KCNK9: variants seen among roughly 807,000 people sequenced by gnomAD.
KCNK9 encodes the protein potassium channel subfamily K member 9.
In KCNK9, 1 loss-of-function variant was observed where a neutral mutation model predicts 10.8. The ratio of observed to expected loss-of-function variants is 0.09; its 90% CI spans 0.03 to 0.44. The LOEUF (loss-of-function observed/expected upper bound fraction) is 0.44. Ranked by LOEUF, KCNK9 falls within the 20% of genes least tolerant of loss-of-function variation. The pLI is 0.97. For missense variants in KCNK9, 303 were observed against 515.0 expected (o/e 0.59, Z 3.98); for synonymous variants, 231 against 222.7 (o/e 1.04, Z -0.33).
chr8:139,648,559 T>C (rs564350743), intron 1 of KCNK9, among the ~76,000 whole-genome samples: 2 of 152,172 alleles, frequency 1.3e-5, no homozygotes, highest in Admixed American at 1.3e-4. Flanking sequence ...TAGCCCAGCA[T>C]ACAAATTCAG....
downstream of KCNK9, chr8:139,616,428 G>A (rs2130098164): frequency 6.6e-6 from 1 of 152,306 alleles, no homozygotes; most frequent in Non-Finnish European, 1.5e-5. Context: ...GAGAATCTGA[G>A]GTTCGCAGAC....
intron 1 of KCNK9, among the ~76,000 whole-genome samples, chr8:139,627,946 ACT>A (rs1202569962): frequency 2.7e-4 from 41 of 152,366 alleles, no homozygotes; most frequent in African/African-American, 9.6e-4. Flanking sequence ...GGCCAGGGTG[ACT>A]CAATTCTGAG....
At chr8:139,692,796 C>T (rs1455486648) in intron 1 of KCNK9, among the ~76,000 whole-genome samples, 1 of 152,208 alleles carries the variant, frequency 6.6e-6, no homozygotes. Context: ...ACTGAATGCC[C>T]ATGCCCTGGC....
At chr8:139,655,088 T>C (rs1313702471) in intron 1 of KCNK9, among the ~76,000 whole-genome samples, 17 of 152,058 alleles carry the variant, frequency 1.1e-4, no homozygotes, top group Admixed American at 1.1e-3. Context: ...GAGATCCAAA[T>C]GGCCTGGTTT....
chr8:139,689,052 G>A lies in KCNK9; in HGVS notation c.283+13658C>T, dbSNP rs377337024. Among the ~76,000 whole-genome samples the A allele has an allele frequency of 4.6e-5, 7 of 152,144 alleles. 1 individual carries two copies. The highest frequency in any genetic ancestry group is 2.1e-4 in the South Asian group (1 of 4,830). On this transcript the variant is annotated intron_variant, in intron 1 of 1. Coordinates refer to ENST00000520439, the MANE Select transcript of KCNK9 (RefSeq NM_001282534.2). The stretch of plus-strand genomic sequence containing the variant: ...TCTAACTGGTGTCCTTATAAGGAGA[G>A]GAGATTAGGACCACAGACATGCACA...
chr8:139,631,081 G>A (rs1357061673), intron 1 of KCNK9, among the ~76,000 whole-genome samples: 1 of 152,240 alleles, frequency 6.6e-6, no homozygotes, highest in Non-Finnish European at 1.5e-5. Context: ...GCAGGGACAC[G>A]GCCCCGGGTG....
intron 1 of KCNK9, among the ~76,000 whole-genome samples, chr8:139,696,704 T>G (rs1405872460): frequency 3.0e-5 from 4 of 133,526 alleles, no homozygotes; most frequent in Non-Finnish European, 3.5e-5. Context: ...AATGGATGGA[T>G]GGATGGATGG....
chr8:139,627,340 C>A (rs1418459413), intron 1 of KCNK9, among the ~76,000 whole-genome samples: 14 of 152,168 alleles, frequency 9.2e-5, no homozygotes, highest in Non-Finnish European at 1.8e-4. Flanking sequence ...GTCTCCTGTT[C>A]AATCCAAGAA....
At chr8:139,604,566 A>G (rs556791115) in intron 2 of KCNK9, among the ~76,000 whole-genome samples, 10 of 152,354 alleles carry the variant, frequency 6.6e-5, no homozygotes, top group African/African-American at 2.4e-4. Context: ...CTAGCCAGGC[A>G]TCCACAGAAG....
At chr8:139,623,650 C>T (rs953743526) in intron 1 of KCNK9, among the ~76,000 whole-genome samples, 10 of 152,218 alleles carry the variant, frequency 6.6e-5, no homozygotes, top group Admixed American at 2.0e-4. Context: ...AATACCCTAC[C>T]GCCCCCTCCC....
At chr8:139,691,968 G>C (rs534609219) in intron 1 of KCNK9, among the ~76,000 whole-genome samples, 3 of 152,334 alleles carry the variant, frequency 2.0e-5, no homozygotes, top group South Asian at 2.1e-4. Context: ...ATCCAGGAAG[G>C]TTCTTTAGAA....
intron 2 of KCNK9, among the ~76,000 whole-genome samples, chr8:139,605,618 C>A (rs919302579): frequency 6.6e-6 from 1 of 151,998 alleles, no homozygotes; most frequent in Non-Finnish European, 1.5e-5. Context: ...GAAGAAAGAC[C>A]AAGATACATT....
chr8:139,652,560 G>A (rs546188195), intron 1 of KCNK9, among the ~76,000 whole-genome samples: 1 of 152,244 alleles, frequency 6.6e-6, no homozygotes, highest in African/African-American at 2.4e-5. Context: ...CTCTGGGGGC[G>A]GGGGCCGCCA....
intron 1 of KCNK9, among the ~76,000 whole-genome samples, chr8:139,680,801 C>T (rs563514268): frequency 5.9e-5 from 9 of 152,252 alleles, no homozygotes; most frequent in South Asian, 4.1e-4. Flanking sequence ...CCCAGGCGGT[C>T]GCATTCTGGA....
At chr8:139,688,338 C>T (rs1816865066) in intron 1 of KCNK9, among the ~76,000 whole-genome samples, 1 of 152,200 alleles carries the variant, frequency 6.6e-6, no homozygotes, top group South Asian at 2.1e-4. Context: ...AATTTACTCA[C>T]AGTTCCCACA....
At chr8:139,646,596 A>G (rs547187093) in intron 1 of KCNK9, among the ~76,000 whole-genome samples, 2 of 152,242 alleles carry the variant, frequency 1.3e-5, no homozygotes, top group Non-Finnish European at 2.9e-5. Flanking sequence ...CAGTAAATGG[A>G]CAGTGCCCTA....
chr8:139,697,689 A>G (rs1412757501), intron 1 of KCNK9, among the ~76,000 whole-genome samples: 2 of 151,780 alleles, frequency 1.3e-5, no homozygotes, highest in South Asian at 2.1e-4. Flanking sequence ...GGTATCTCCA[A>G]CTCCTGGGTC....
intron 1 of KCNK9, among the ~76,000 whole-genome samples, chr8:139,638,278 A>T (rs1385924580): frequency 1.3e-5 from 2 of 152,180 alleles, no homozygotes; most frequent in African/African-American, 2.4e-5. Context: ...TACAGACATG[A>T]AAACAAACAG....
intron 1 of KCNK9, among the ~76,000 whole-genome samples, chr8:139,687,669 TGTATAC>T (rs1314255853): frequency 1.4e-4 from 11 of 80,048 alleles, no homozygotes; most frequent in Non-Finnish European, 1.9e-4. Context: ...TGTATACATA[TGTATAC>T]ATATATATTC....
Sources: gnomAD v4.1 joint callset for allele counts (sites outside exome capture counted in the v4.1 genomes callset) on GRCh38, gnomAD v4.1.1 for gene constraint, MANE v1.5 for transcripts, NCBI Gene and HGNC (gene_info 2026-07-23, HGNC 2026-07-21) for gene names.